HAAO: variants seen among roughly 807,000 people sequenced by gnomAD.
HAAO encodes 3-hydroxyanthranilate 3,4-dioxygenase.
HAAO carries 49 observed loss-of-function variants against 46.2 expected under a neutral mutation model. That is an observed-to-expected ratio of 1.06 (90% CI 0.84 to 1.34). HAAO has a LOEUF of 1.34. Ranked by LOEUF, HAAO falls within the 40% of genes most tolerant of loss-of-function variation. The pLI, the probability that HAAO is intolerant of heterozygous loss-of-function variation, is 0.00. For missense variants in HAAO, 408 were observed against 364.5 expected, an observed-to-expected ratio of 1.12 and a Z score of -0.97; for synonymous variants, 157 against 145.2, an observed-to-expected ratio of 1.08 and a Z score of -0.58.
intron 4 of HAAO, among the ~76,000 whole-genome samples, chr2:42,777,233 G>A (rs374079113): frequency 6.9e-6 from 1 of 145,310 alleles, no homozygotes; most frequent in Non-Finnish European, 1.5e-5. Context: ...AACCTGAGAG[G>A]CAGAAGTCGC....
intron 4 of HAAO, among the ~76,000 whole-genome samples, chr2:42,777,303 CAAA>C (rs1215772853): frequency 7.5e-5 from 3 of 40,234 alleles, no homozygotes; most frequent in Non-Finnish European, 4.7e-5. Flanking sequence ...ACTCTTATCG[CAAA>C]AAAAAAAAAA....
At chr2:42,782,977 C>T in intron 4 of HAAO, 1 of 427,798 alleles carries the variant, frequency 2.3e-6, no homozygotes, top group East Asian at 5.8e-5. Context: ...CGTCCTCAAC[C>T]TTGGCAAAAC....
intron 4 of HAAO, among the ~76,000 whole-genome samples, chr2:42,775,246 G>GAAAA (rs34025268): frequency 3.5e-4 from 24 of 69,168 alleles, no homozygotes; most frequent in African/African-American, 1.4e-3. Flanking sequence ...GACTGTCATG[G>GAAAA]AAAAAAAAAA....
chr2:42,778,542 G>C (rs537070622), intron 4 of HAAO, among the ~76,000 whole-genome samples: 24 of 152,066 alleles, frequency 1.6e-4, no homozygotes, highest in Non-Finnish European at 3.2e-4. Context: ...TGTTGGCCAG[G>C]CTGGTCTGAA....
intron 7 of HAAO, 117 bp downstream of exon 7, chr2:42,769,596 T>TGA: frequency 1.5e-6 from 1 of 675,712 alleles, no homozygotes; most frequent in Non-Finnish European, 2.3e-6. Flanking sequence ...TGTGTGTGTG[T>TGA]GTGTGTGTGA....
intron 2 of HAAO, among the ~76,000 whole-genome samples, chr2:42,785,173 C>T (rs537837354): frequency 6.6e-6 from 1 of 152,242 alleles, no homozygotes; most frequent in African/African-American, 2.4e-5. Flanking sequence ...GTGAAGATGC[C>T]AGGGATGCTT....
Position 42,767,584 on chromosome 2 carries a change from T to C in HAAO, c.782+11A>G. ...TGAGGATCCCAGGGAAAGCCCTCCCTGCGTACTCACGAGGTCCCAGCTAGC... is the reference window on the plus strand; with the variant it reads ...TGAGGATCCCAGGGAAAGCCCTCCCCGCGTACTCACGAGGTCCCAGCTAGC... On this transcript the variant is annotated intron_variant, in intron 9 of 9. Coordinates refer to ENST00000294973, the MANE Select transcript of HAAO (RefSeq NM_012205.3). 1 of 1,580,530 alleles carries C rather than the reference T, an allele frequency of 6.3e-7. No individual in the cohort carries two copies. Among genetic ancestry groups the C allele is most frequent in the Non-Finnish European group, 8.6e-7 (1 of 1,162,448 alleles).
chr2:42,770,808 G>C (rs114273674), intron 4 of HAAO, among the ~76,000 whole-genome samples: 1 of 152,170 alleles, frequency 6.6e-6, no homozygotes. Context: ...GGCTCTCTCC[G>C]GTTCCCAAAA....
chr2:42,767,668 A>C lies in HAAO; in HGVS notation c.709T>G (p.Ser237Ala). Residue 237 changes from serine to alanine, a missense_variant, in exon 9 of 10, where the codon TCG becomes GCG. Coordinates refer to ENST00000294973, the MANE Select transcript of HAAO (RefSeq NM_012205.3). ...CGCCGTCCCCCCATTGTCACCACCGAGGAGCCCTCCTGGAGAAGAGGAGCA... is the reference window on the plus strand; with the variant it reads ...CGCCGTCCCCCCATTGTCACCACCGCGGAGCCCTCCTGGAGAAGAGGAGCA... ...DVWLWQLEGS[S>A]VVTMGGRRLS... The C allele has an allele frequency of 1.3e-6, 2 of 1,568,502 alleles. No individual in the cohort carries two copies. Among genetic ancestry groups the C allele is most frequent in the Non-Finnish European group, 1.7e-6 (2 of 1,155,844 alleles).
chr2:42,780,790 G>A (rs903640275), intron 4 of HAAO, among the ~76,000 whole-genome samples: 17 of 151,632 alleles, frequency 1.1e-4, no homozygotes, highest in African/African-American at 2.4e-4. Flanking sequence ...ACTCCCGGCC[G>A]GGCGTGGTGG....
chr2:42,768,693 G>C (rs1360037001), intron 7 of HAAO, among the ~76,000 whole-genome samples: 1 of 152,146 alleles, frequency 6.6e-6, no homozygotes, highest in African/African-American at 2.4e-5. Flanking sequence ...TGCCCTCCCA[G>C]CCTTGTTCCC....
At chr2:42,791,229 T>A (rs1044584494) in intron 1 of HAAO, among the ~76,000 whole-genome samples, 1 of 152,098 alleles carries the variant, frequency 6.6e-6, no homozygotes, top group East Asian at 1.9e-4. Flanking sequence ...GGAGACTGCC[T>A]TGTGAAGACG....
intron 7 of HAAO, 136 bp downstream of exon 7, chr2:42,769,569 ATGTGTGTG>A (rs35746707): frequency 0.28 from 161,850 of 584,178 alleles, 12,833 homozygotes; most frequent in Admixed American, 0.4. Flanking sequence ...AACCTCTGAA[ATGTGTGTG>A]TGTGTGTGTG....
At chr2:42,768,354 G>A (rs1003120135) in intron 7 of HAAO, among the ~76,000 whole-genome samples, 7 of 152,312 alleles carry the variant, frequency 4.6e-5, no homozygotes, top group African/African-American at 1.7e-4. Context: ...ACATGCACCA[G>A]CCTGGAAGCA....
intron 2 of HAAO, among the ~76,000 whole-genome samples, chr2:42,787,475 G>T (rs1163607493): frequency 6.6e-6 from 1 of 152,204 alleles, no homozygotes; most frequent in African/African-American, 2.4e-5. Context: ...ACGGTCTCCA[G>T]TGAGGTGTGT....
rs533370348 is a variant in HAAO, at chr2:42,768,011, C to T, written c.631-83G>A. The T allele has an allele frequency of 1.1e-3, 1,378 of 1,238,580 alleles. 9 individuals carry two copies. The highest frequency in any genetic ancestry group is 8.2e-4 in the Non-Finnish European group (697 of 848,866). The allele number at this position is 1,238,580 out of a possible 1,614,324, so 76.7% of individuals were successfully genotyped here. Reference sequence around the variant, plus strand: ...TTGAACCTGGCCCCCAGACACCAGGCCTGCTTGGAGCAGGGTTGGGGCCCA... The same window carrying T: ...TTGAACCTGGCCCCCAGACACCAGGTCTGCTTGGAGCAGGGTTGGGGCCCA... On this transcript the variant is annotated intron_variant, in intron 7 of 9. Transcript: ENST00000294973.
chr2:42,777,303 C>CAAAAAAAAAAAAAAAAAA (rs1215772853), intron 4 of HAAO, among the ~76,000 whole-genome samples: 24 of 40,114 alleles, frequency 6.0e-4, no homozygotes, highest in East Asian at 1.7e-3. Flanking sequence ...ACTCTTATCG[C>CAAAAAAAAAAAAAAAAAA]AAAAAAAAAA....
intron 2 of HAAO, 25 bp downstream of exon 2, chr2:42,788,504 A>G (rs1341359134): frequency 2.0e-6 from 3 of 1,492,506 alleles, no homozygotes. Flanking sequence ...GCAGGCCTAG[A>G]TCCAGGGAGA....
rs1039084076 is a variant in HAAO, at chr2:42,769,817, ATCGTGTGC to A, written c.518_525del (p.Ser173IlefsTer33). On this transcript the variant is annotated frameshift_variant, in exon 7 of 10. Coordinates refer to ENST00000294973, the MANE Select transcript of HAAO (RefSeq NM_012205.3). LOFTEE classifies it high-confidence loss of function. ...TCCAGGGACATGGGCTCCATGATGG[ATCGTGTGC>A]TCAGAGGGAATGGTGGCTCCTTGAG... The A allele has an allele frequency of 1.2e-6, 2 of 1,613,618 alleles. No individual in the cohort carries two copies. The highest frequency in any genetic ancestry group is 1.7e-6 in the Non-Finnish European group (2 of 1,179,918).
Sources: allele counts gnomAD v4.1 joint callset (sites outside exome capture counted in the v4.1 genomes callset), GRCh38; gene constraint gnomAD v4.1.1; transcripts MANE v1.5; gene names NCBI Gene and HGNC (gene_info 2026-07-23, HGNC 2026-07-21).